ANKRD28: variants seen among roughly 807,000 people sequenced by gnomAD.
ANKRD28 encodes the protein serine/threonine-protein phosphatase 6 regulatory ankyrin repeat subunit A.
A neutral mutation model predicts 126.5 loss-of-function variants in ANKRD28; 44 were observed. That is an observed-to-expected ratio of 0.35 (90% CI 0.27 to 0.45). The LOEUF (loss-of-function observed/expected upper bound fraction) is 0.45, where lower values mean the gene tolerates loss of function less well. ANKRD28 is among the 20% of genes least tolerant of loss of function. The probability of loss-of-function intolerance (pLI) is 1.00; values close to 1 mark genes in which losing one functional copy is unlikely to be tolerated. For missense variants in ANKRD28, 1,110 were observed against 1,316.6 expected (o/e 0.84, Z 2.43); for synonymous variants, 442 against 468.5 (o/e 0.94, Z 0.73).
chr3:15,800,461 TG>T (rs1559555406), upstream of ANKRD28, among the ~76,000 whole-genome samples: 1 of 152,134 alleles, frequency 6.6e-6, no homozygotes, highest in Non-Finnish European at 1.5e-5. Flanking sequence ...TATGGATATT[TG>T]GGATAGCTGA....
intron 3 of ANKRD28, among the ~76,000 whole-genome samples, chr3:15,752,656 T>C (rs2057927075): frequency 6.6e-6 from 1 of 152,224 alleles, no homozygotes; most frequent in South Asian, 2.1e-4. Flanking sequence ...TCCTATCCTA[T>C]AAGCAATCCT....
In ANKRD28 at chr3:15,816,518, T is replaced by G. The variant is rs2060833878; in HGVS notation, c.28-21212A>C. On this transcript the variant is annotated intron_variant, in intron 1 of 27. Transcript: ENST00000399451. This position sits in a 1 kb window ranked among gnomAD's most constrained non-coding sequence, Gnocchi z 5.0. The stretch of plus-strand genomic sequence containing the variant: ...ATTTAAAAAACACTACACAGAAATA[T>G]TCAAGTAAGAAAGTTTTATTTTTCC... Among the ~76,000 whole-genome samples the G allele has an allele frequency of 6.6e-6, 1 of 152,184 alleles. No individual in the cohort carries two copies. The highest frequency in any genetic ancestry group is 1.5e-5 in the Non-Finnish European group (1 of 68,026).
intron 1 of ANKRD28, among the ~76,000 whole-genome samples, chr3:15,811,794 T>G (rs1252400214): frequency 6.6e-6 from 1 of 152,022 alleles, no homozygotes; most frequent in African/African-American, 2.4e-5. Flanking sequence ...CCTTATAAAT[T>G]AAGAAATTGT....
chr3:15,713,463 A>G, intron 10 of ANKRD28, 64 bp downstream of exon 10: 1 of 1,239,652 alleles, frequency 8.1e-7, no homozygotes, highest in Non-Finnish European at 1.2e-6. Context: ...ATGTCTAGAA[A>G]ACTGCAGTTC....
At chr3:15,780,628 A>G (rs1189849712) in intron 2 of ANKRD28, among the ~76,000 whole-genome samples, 4 of 152,152 alleles carry the variant, frequency 2.6e-5, no homozygotes, top group Non-Finnish European at 5.9e-5. Context: ...ATAACCAGCG[A>G]AAAAAACAAA....
intron 1 of ANKRD28, among the ~76,000 whole-genome samples, chr3:15,806,233 G>A (rs1224910702): frequency 1.3e-5 from 2 of 152,140 alleles, no homozygotes; most frequent in Non-Finnish European, 1.5e-5. Flanking sequence ...AGAGTAAAAC[G>A]ATGTCAACTC....
chr3:15,762,214 CAAAACAAAAAAA>C (rs2058514935), intron 3 of ANKRD28, among the ~76,000 whole-genome samples: 3 of 52,556 alleles, frequency 5.7e-5, no homozygotes. Flanking sequence ...AAAAAAAAAA[CAAAACAAAAAAA>C]AAAAAACTCT....
intron 14 of ANKRD28, among the ~76,000 whole-genome samples, chr3:15,703,354 CCCCACACCCATTCACATG>C (rs1402554644): frequency 1.3e-5 from 2 of 152,168 alleles, no homozygotes; most frequent in African/African-American, 4.8e-5. Context: ...GTTTATGTCC[CCCCACACCCATTCACATG>C]GTGAAATTCC....
At chr3:15,713,728 C>A in intron 9 of ANKRD28, 87 bp from the exon 10 acceptor site, 1 of 761,592 alleles carries the variant, frequency 1.3e-6, no homozygotes, top group South Asian at 2.3e-5. Context: ...AAATGCTGTT[C>A]ACATACAAAC....
At chr3:15,765,557 T>C (rs1172234180) in intron 3 of ANKRD28, among the ~76,000 whole-genome samples, 7 of 152,100 alleles carry the variant, frequency 4.6e-5, no homozygotes, top group East Asian at 1.9e-4. Flanking sequence ...TAATACCCTA[T>C]GTAGGCGGGC....
Position 15,714,615 on chromosome 3 carries a change from G to A in ANKRD28, c.1038C>T (p.His346=), listed in dbSNP as rs764752876. ...GKTPLHMTAL[H]GRFSRSQTII... ...TGGTTTGTGATCGGGAGAATCTACC[G>A]TGGAGAGCAGTCATGTGTAGTGGGG... The change falls in exon 9 of 28, where the codon CAC becomes CAT. Residue 346 remains histidine, a synonymous_variant. Coordinates refer to ENST00000683139, the MANE Select transcript of ANKRD28 (RefSeq NM_001349278.2). 1.9e-5 allele frequency: 31 copies of A among 1,599,062 alleles called. No homozygotes were observed. In the Middle Eastern group the frequency reaches 5.0e-4, roughly 26 times the overall value.
intron 1 of ANKRD28, among the ~76,000 whole-genome samples, chr3:15,809,554 T>A (rs1299824836): frequency 6.6e-6 from 1 of 152,198 alleles, no homozygotes; most frequent in African/African-American, 2.4e-5. Flanking sequence ...CTCTTTTCTT[T>A]CGGGATTGTG....
At chr3:15,674,761 T>C (rs1056859255) in intron 27 of ANKRD28, among the ~76,000 whole-genome samples, 5 of 152,158 alleles carry the variant, frequency 3.3e-5, no homozygotes, top group East Asian at 1.9e-4. Flanking sequence ...ACTAGTAATG[T>C]AGAAGGAAAA....
Position 15,808,309 on chromosome 3 carries a change from C to T in ANKRD28, c.28-13003G>A, listed in dbSNP as rs148390691. Among the ~76,000 whole-genome samples the T allele has an allele frequency of 5.9e-5, 9 of 152,322 alleles. No individual in the cohort carries two copies. In the East Asian group the frequency reaches 1.4e-3, roughly 23 times the overall value. ...CTTCCTTCCATTTGACCAATACCTTCTAGTTTAACAATGTTTCACATCGAT... is the reference window on the plus strand; with the variant it reads ...CTTCCTTCCATTTGACCAATACCTTTTAGTTTAACAATGTTTCACATCGAT... On this transcript the variant is annotated intron_variant, in intron 1 of 27. Coordinates refer to the ANKRD28 transcript ENST00000399451.
intron 3 of ANKRD28, chr3:15,756,518 C>T (rs2125431011): frequency 1.0e-6 from 1 of 985,380 alleles, no homozygotes; most frequent in Non-Finnish European, 1.2e-6. Flanking sequence ...AGCAATGCAG[C>T]TGAAGAGAGG....
intron 4 of ANKRD28, among the ~76,000 whole-genome samples, chr3:15,746,823 C>T (rs2057507596): frequency 6.6e-6 from 1 of 152,122 alleles, no homozygotes. Flanking sequence ...TCTATCCAGT[C>T]CTGGACTTTT....
chr3:15,839,934 T>C lies in ANKRD28; in HGVS notation c.27+19443A>G, dbSNP rs1238046710. 6.6e-6 allele frequency among the ~76,000 whole-genome samples: 1 copy of C among 152,054 alleles called. No homozygotes were observed. Among genetic ancestry groups the C allele is most frequent in the Admixed American group, 6.5e-5 (1 of 15,276 alleles). ...ATGAAAGCCATATACCACAGACACA[T>C]AGCTAGTATCACACTGAATGGGGAA... On this transcript the variant is annotated intron_variant, in intron 1 of 27. Coordinates refer to the ANKRD28 transcript ENST00000399451. The surrounding 1 kb of genome is among the most constrained non-coding windows in gnomAD (Gnocchi z 4.3).
intron 3 of ANKRD28, among the ~76,000 whole-genome samples, chr3:15,759,928 G>C (rs767047715): frequency 6.6e-6 from 1 of 152,108 alleles, no homozygotes; most frequent in Non-Finnish European, 1.5e-5. Flanking sequence ...AGCACCTACA[G>C]AACTCTTAAC....
chr3:15,700,455 T>G (rs2070395788), intron 14 of ANKRD28, among the ~76,000 whole-genome samples: 1 of 107,546 alleles, frequency 9.3e-6, no homozygotes, highest in Non-Finnish European at 2.2e-5. Context: ...AAAAGTATAA[T>G]GACAAAAAAA....
Sources: allele counts gnomAD v4.1 joint callset (sites outside exome capture counted in the v4.1 genomes callset), GRCh38; gene constraint gnomAD v4.1.1; non-coding constraint Gnocchi (gnomAD v3.1); transcripts MANE v1.5; gene names NCBI Gene and HGNC (gene_info 2026-07-23, HGNC 2026-07-21).